ITPK1: variants seen among roughly 807,000 people sequenced by gnomAD.
ITPK1 encodes the protein inositol-tetrakisphosphate 1-kinase.
In ITPK1, 21 loss-of-function variants were observed where a neutral mutation model predicts 45.3. The ratio of observed to expected loss-of-function variants is 0.46; its 90% CI spans 0.33 to 0.67. The LOEUF (loss-of-function observed/expected upper bound fraction) is 0.67. ITPK1 is among the 30% of genes least tolerant of loss of function. The pLI, the probability that ITPK1 is intolerant of heterozygous loss-of-function variation, is 0.02. For missense variants in ITPK1, 474 were observed against 573.5 expected (o/e 0.83, Z 1.77); for synonymous variants, 258 against 253.6 (o/e 1.02, Z -0.16).
chr14:92,959,140 G>T (rs570416002), intron 7 of ITPK1, among the ~76,000 whole-genome samples: 1 of 152,332 alleles, frequency 6.6e-6, no homozygotes, highest in East Asian at 1.9e-4. Flanking sequence ...CTGGGGTAGG[G>T]AGTGCAGGGG....
Position 92,996,439 on chromosome 14 carries a change from G to T in ITPK1, c.247-2442C>A, listed in dbSNP as rs575591749. 1.0e-4 allele frequency among the ~76,000 whole-genome samples: 14 copies of T among 139,602 alleles called. 1 individual carries two copies. The highest frequency in any genetic ancestry group is 1.9e-4 in the Non-Finnish European group (12 of 63,918). 91.6% of individuals were successfully genotyped at this position (139,602 alleles called of 152,430 possible). ...CACACACCGGGGCCTGTCGCGGGGT[G>T]GGGGGAGGGGGAGGGATAGCACTGG... On this transcript the variant is annotated intron_variant, in intron 4 of 10. Coordinates refer to ENST00000267615, the MANE Select transcript of ITPK1 (RefSeq NM_014216.6).
chr14:92,946,532 G>T, intron 9 of ITPK1, 39 bp from the exon 10 acceptor site: 1 of 1,598,380 alleles, frequency 6.3e-7, no homozygotes, highest in Non-Finnish European at 8.5e-7. Context: ...ATGGGCCGAG[G>T]AGCTGCGAAG....
intron 3 of ITPK1, among the ~76,000 whole-genome samples, chr14:93,073,400 C>T (rs969403715): frequency 1.4e-4 from 21 of 152,336 alleles, no homozygotes; most frequent in Non-Finnish European, 2.8e-4. Flanking sequence ...CTGAGATCTG[C>T]AAAATCCACT....
intron 2 of ITPK1, among the ~76,000 whole-genome samples, chr14:93,097,522 C>G (rs1401766142): frequency 6.6e-6 from 1 of 152,218 alleles, no homozygotes; most frequent in Non-Finnish European, 1.5e-5. Flanking sequence ...AAGACCAGAG[C>G]TACGCAGCAA....
chr14:93,106,201 G>A (rs558390074), intron 2 of ITPK1, among the ~76,000 whole-genome samples: 7 of 145,480 alleles, frequency 4.8e-5, no homozygotes, highest in Non-Finnish European at 9.1e-5. Context: ...AGCCCAGAGC[G>A]GCTCATTTCC....
At position 93,115,104 on chromosome 14, in the gene ITPK1, C is replaced by T. The variant is rs1274038476; in HGVS notation, c.60G>A (p.Lys20=). 1 of 1,602,364 alleles carries T rather than the reference C, an allele frequency of 6.2e-7. No homozygotes were observed. Among genetic ancestry groups the T allele is most frequent in the Middle Eastern group, 1.7e-4 (1 of 6,028 alleles). The change falls in exon 2 of 11, where the codon AAG becomes AAA. Residue 20 remains lysine, a synonymous_variant. Coordinates refer to ENST00000267615, the MANE Select transcript of ITPK1 (RefSeq NM_014216.6). ...CGGCGAAGGCCTGGAAATTCAGCTT[C>T]TTGATTTTCTTCTCGCTCAGCCAGT... ...VGYWLSEKKI[K]KLNFQAFAEL... is the part of the protein sequence containing the mutation.
intron 2 of ITPK1, among the ~76,000 whole-genome samples, chr14:93,087,448 A>G (rs914150820): frequency 6.6e-6 from 1 of 152,268 alleles, no homozygotes; most frequent in African/African-American, 2.4e-5. Flanking sequence ...CGTGAGTTTG[A>G]TGCTGCAGTG....
At chr14:92,988,995 C>T (rs1012176360) in intron 5 of ITPK1, among the ~76,000 whole-genome samples, 2 of 152,138 alleles carry the variant, frequency 1.3e-5, no homozygotes, top group Non-Finnish European at 2.9e-5. Context: ...GAGGCCTTGA[C>T]TCCAAGTCCC....
At position 93,010,749 on chromosome 14, in the gene ITPK1, T is replaced by C. The variant is rs1450024547; in HGVS notation, c.246+5927A>G. ...ATAATAATATTGACATAAGCCACGG[T>C]GACTGATGGTTCACTAGGCGCCGGG... On this transcript the variant is annotated intron_variant, in intron 4 of 10. Transcript: ENST00000267615. Among the ~76,000 whole-genome samples the C allele has an allele frequency of 2.0e-5, 3 of 152,332 alleles. No individual in the cohort carries two copies. In the East Asian group the frequency reaches 5.8e-4, roughly 29 times the overall value.
intron 3 of ITPK1, among the ~76,000 whole-genome samples, chr14:93,058,464 C>G (rs1211980387): frequency 1.8e-4 from 1 of 5,406 alleles, no homozygotes; most frequent in African/African-American, 8.4e-4. Context: ...GGTCACGAGG[C>G]GGGGTGGAGG....
chr14:92,962,078 G>A (rs1317029450), intron 7 of ITPK1, among the ~76,000 whole-genome samples: 1 of 152,238 alleles, frequency 6.6e-6, no homozygotes, highest in African/African-American at 2.4e-5. Context: ...CCACAGCTAC[G>A]ACAGGCTCCA....
At position 92,946,420 on chromosome 14, in the gene ITPK1, T is replaced by A; in HGVS notation, c.812A>T (p.Gln271Leu). The A allele has an allele frequency of 6.2e-7, 1 of 1,613,286 alleles. No homozygotes were observed. The highest frequency in any genetic ancestry group is 1.7e-5 in the Admixed American group (1 of 60,026). Residue 271 changes from glutamine to leucine, a missense_variant, in exon 10 of 11, where the codon CAG becomes CTG. By Grantham distance (113) the Gln-to-Leu change is moderately radical. Around this residue, in one of 2 missense-constraint regions of ITPK1, gnomAD observed 367 missense variants for 480.6 expected, o/e 0.76. Coordinates refer to ENST00000267615, the MANE Select transcript of ITPK1 (RefSeq NM_014216.6). ...GCCGAAGAGTGACACGCCCAGTGCC[T>A]GCCGCAGGGCCCGGGAGAGCTCCCG... ...VIRELSRALR[Q>L]ALGVSLFGID...
intron 2 of ITPK1, among the ~76,000 whole-genome samples, chr14:93,080,638 G>A (rs539575573): frequency 2.6e-5 from 4 of 152,318 alleles, no homozygotes; most frequent in East Asian, 1.9e-4. Context: ...CTGTGGCCAC[G>A]GGGCTGTGGT....
intron 2 of ITPK1, among the ~76,000 whole-genome samples, chr14:93,083,716 A>G (rs1891536020): frequency 4.6e-5 from 7 of 152,124 alleles, no homozygotes; most frequent in Admixed American, 2.0e-4. Flanking sequence ...TCCTAAACAG[A>G]TGACTAAGCC....
At chr14:93,109,366 T>C (rs1358411192) in intron 2 of ITPK1, among the ~76,000 whole-genome samples, 39 of 152,190 alleles carry the variant, frequency 2.6e-4, no homozygotes, top group Non-Finnish European at 7.3e-5. Context: ...AGAGACAGAC[T>C]GCCCCAGGGA....
chr14:93,103,022 C>T (rs566688971), intron 2 of ITPK1, among the ~76,000 whole-genome samples: 1 of 150,004 alleles, frequency 6.7e-6, no homozygotes, highest in East Asian at 2.0e-4. Context: ...ATGGCATGAA[C>T]CTGGGAGGCG....
chr14:92,974,704 C>A (rs1471155801), intron 5 of ITPK1, among the ~76,000 whole-genome samples: 10 of 152,254 alleles, frequency 6.6e-5, no homozygotes, highest in Admixed American at 6.5e-4. Context: ...GAAGGCACTT[C>A]CCGTGCTGCT....
At chr14:93,006,202 G>A (rs957675236) in intron 4 of ITPK1, among the ~76,000 whole-genome samples, 2 of 152,214 alleles carry the variant, frequency 1.3e-5, no homozygotes, top group African/African-American at 4.8e-5. Context: ...CCATGTGCAA[G>A]CTGGTCAAAC....
intron 4 of ITPK1, among the ~76,000 whole-genome samples, chr14:93,007,631 C>T (rs1457486057): frequency 3.9e-5 from 6 of 152,158 alleles, no homozygotes; most frequent in African/African-American, 9.7e-5. Context: ...TCCAGCCACC[C>T]GAGTCTTCTA....
Sources: allele counts gnomAD v4.1 joint callset (sites outside exome capture counted in the v4.1 genomes callset), GRCh38; gene constraint gnomAD v4.1.1; regional missense constraint gnomAD v4.1.1; transcripts MANE v1.5; gene names NCBI Gene and HGNC (gene_info 2026-07-23, HGNC 2026-07-21).